The following CNTN5 variants were observed in gnomAD, a reference collection of about 807,000 sequenced individuals.
CNTN5 encodes contactin 5.
CNTN5 carries 77 observed loss-of-function variants against 129.1 expected under a neutral mutation model. The observed-to-expected ratio is 0.60, with a 90% CI of 0.50 to 0.72. The LOEUF (loss-of-function observed/expected upper bound fraction) is 0.72, where lower values mean the gene tolerates loss of function less well. Ranked by LOEUF, CNTN5 falls within the 30% of genes least tolerant of loss-of-function variation. CNTN5 has a pLI of 0.00. For missense variants in CNTN5, 1,478 were observed against 1,328.8 expected, an observed-to-expected ratio of 1.11 and a Z score of -1.75; for synonymous variants, 509 against 465.6, an observed-to-expected ratio of 1.09 and a Z score of -1.20.
chr11:100,022,183 T>A (rs1941193912), intron 9 of CNTN5, among the ~76,000 whole-genome samples: 1 of 152,222 alleles, frequency 6.6e-6, no homozygotes, highest in African/African-American at 2.4e-5. Flanking sequence ...CACTTAATAT[T>A]AACCATCACA....
intron 13 of CNTN5, among the ~76,000 whole-genome samples, chr11:100,122,537 A>G (rs1038809386): frequency 6.6e-6 from 1 of 152,062 alleles, no homozygotes; most frequent in Admixed American, 6.6e-5. Context: ...AAAATTAACA[A>G]TCAAAGAAGT....
At chr11:99,050,516 A>G (rs1565277233) in intron 1 of CNTN5, among the ~76,000 whole-genome samples, 1 of 151,894 alleles carries the variant, frequency 6.6e-6, no homozygotes, top group Non-Finnish European at 1.5e-5. Flanking sequence ...GAGAACAAAA[A>G]GCCATACTTT....
At chr11:99,978,256 T>C (rs942080840) in intron 8 of CNTN5, among the ~76,000 whole-genome samples, 1 of 152,232 alleles carries the variant, frequency 6.6e-6, no homozygotes, top group Non-Finnish European at 1.5e-5. Flanking sequence ...TGTGTCATAA[T>C]GAAAGAGTCA....
At chr11:99,151,225 T>C (rs913812611) in intron 1 of CNTN5, among the ~76,000 whole-genome samples, 1 of 152,132 alleles carries the variant, frequency 6.6e-6, no homozygotes, top group Admixed American at 6.6e-5. Flanking sequence ...GTCTCCTTTT[T>C]TAAGTATCCT....
At chr11:100,334,396 G>C (rs1951981506) in intron 21 of CNTN5, among the ~76,000 whole-genome samples, 1 of 152,168 alleles carries the variant, frequency 6.6e-6, no homozygotes, top group African/African-American at 2.4e-5. Context: ...ACTAAAAGTA[G>C]ATCTACCATT....
At chr11:99,836,291 C>T (rs137872938) in intron 4 of CNTN5, among the ~76,000 whole-genome samples, 2 of 136,852 alleles carry the variant, frequency 1.5e-5, no homozygotes, top group African/African-American at 5.3e-5. Context: ...TATCCCTCCC[C>T]CCTCCCCCAA....
intron 2 of CNTN5, among the ~76,000 whole-genome samples, chr11:99,505,404 G>C (rs1460114929): frequency 6.6e-6 from 1 of 152,158 alleles, no homozygotes; most frequent in Non-Finnish European, 1.5e-5. Flanking sequence ...TTGCAGAAGA[G>C]AGAAAGAGTT....
At chr11:100,105,700 T>A (rs982218046) in intron 13 of CNTN5, among the ~76,000 whole-genome samples, 1 of 152,136 alleles carries the variant, frequency 6.6e-6, no homozygotes, top group African/African-American at 2.4e-5. Context: ...TCCTTTGTAC[T>A]CTCCAAGGTC....
intron 1 of CNTN5, among the ~76,000 whole-genome samples, chr11:99,257,939 A>T (rs1862450643): frequency 6.6e-6 from 1 of 152,064 alleles, no homozygotes; most frequent in African/African-American, 2.4e-5. Flanking sequence ...TACGCTTAAG[A>T]GACAAGAGGT....
intron 2 of CNTN5, among the ~76,000 whole-genome samples, chr11:99,445,046 A>C (rs557378608): frequency 4.0e-5 from 6 of 148,346 alleles, no homozygotes; most frequent in Admixed American, 6.8e-5. Context: ...ATATATATTT[A>C]TATATACATT....
intron 3 of CNTN5, among the ~76,000 whole-genome samples, chr11:99,653,298 A>G (rs578232817): frequency 2.6e-5 from 4 of 152,020 alleles, no homozygotes; most frequent in Admixed American, 1.3e-4. Flanking sequence ...AGGGCAAGAC[A>G]TTTTTTTATA....
chr11:100,061,182 T>G (rs1213257790), intron 9 of CNTN5, 30 bp from the exon 10 acceptor site: 1 of 1,561,734 alleles, frequency 6.4e-7, no homozygotes. Context: ...GTGGAGAGTG[T>G]ATTAACAGTA....
chr11:100,037,027 G>C (rs1395301857), intron 9 of CNTN5, among the ~76,000 whole-genome samples: 3 of 151,930 alleles, frequency 2.0e-5, no homozygotes, highest in Non-Finnish European at 2.9e-5. Context: ...TGGTGAGAGA[G>C]GGCATCCCTG....
At chr11:99,949,253 T>C (rs541615710) in intron 7 of CNTN5, among the ~76,000 whole-genome samples, 1 of 152,308 alleles carries the variant, frequency 6.6e-6, no homozygotes, top group African/African-American at 2.4e-5. Context: ...TTATGCCCAC[T>C]GGTGTCTTGA....
At chr11:99,273,838 A>G (rs775664241) in intron 1 of CNTN5, among the ~76,000 whole-genome samples, 6 of 151,582 alleles carry the variant, frequency 4.0e-5, no homozygotes, top group Admixed American at 6.6e-5. Flanking sequence ...AAAGCCTACA[A>G]GATATAAAAA....
chr11:99,628,730 TAAC>T (rs1951229236), intron 3 of CNTN5, among the ~76,000 whole-genome samples: 1 of 151,810 alleles, frequency 6.6e-6, no homozygotes, highest in Non-Finnish European at 1.5e-5. Context: ...TTTAGAGAGC[TAAC>T]AAAGGGCACA....
intron 1 of CNTN5, among the ~76,000 whole-genome samples, chr11:99,051,278 A>G (rs1215360400): frequency 3.3e-5 from 5 of 151,932 alleles, no homozygotes; most frequent in Non-Finnish European, 5.9e-5. Context: ...GTTTAATTCA[A>G]TGTAATGGCA....
chr11:99,977,299 C>G (rs898653931), intron 8 of CNTN5, among the ~76,000 whole-genome samples: 1 of 152,194 alleles, frequency 6.6e-6, no homozygotes, highest in Non-Finnish European at 1.5e-5. Flanking sequence ...TAAACTTTCT[C>G]ACATCTTCCT....
chr11:99,246,320 T>C (rs1193452217), intron 1 of CNTN5, among the ~76,000 whole-genome samples: 3 of 152,256 alleles, frequency 2.0e-5, no homozygotes, highest in Non-Finnish European at 4.4e-5. Flanking sequence ...CATCTGATTA[T>C]ATAATAACTG....
Sources: gnomAD v4.1 joint callset for allele counts (sites outside exome capture counted in the v4.1 genomes callset) on GRCh38, gnomAD v4.1.1 for gene constraint, MANE v1.5 for transcripts, NCBI Gene and HGNC (gene_info 2026-07-23, HGNC 2026-07-21) for gene names.